Variants in SNTG1 observed in about 807,000 individuals in gnomAD.
SNTG1 encodes syntrophin gamma 1.
Under a neutral mutation model 74.7 loss-of-function variants are expected in SNTG1, and 39 were observed. That is an observed-to-expected ratio of 0.52 (90% CI 0.40 to 0.68). The LOEUF (loss-of-function observed/expected upper bound fraction) is 0.68, where lower values mean the gene tolerates loss of function less well. SNTG1 is among the 30% of genes least tolerant of loss of function. SNTG1 has a pLI of 0.00. For missense variants in SNTG1, 685 were observed against 609.5 expected, an observed-to-expected ratio of 1.12 and a Z score of -1.30; for synonymous variants, 254 against 217.1, an observed-to-expected ratio of 1.17 and a Z score of -1.49.
At chr8:50,405,570 T>C (rs1235662319) in intron 4 of SNTG1, among the ~76,000 whole-genome samples, 1 of 152,096 alleles carries the variant, frequency 6.6e-6, no homozygotes, top group Admixed American at 6.6e-5. Context: ...GATATGTGAT[T>C]TGCAATATTT....
At chr8:50,494,714 TA>T (rs1417933824) in intron 8 of SNTG1, among the ~76,000 whole-genome samples, 2 of 152,132 alleles carry the variant, frequency 1.3e-5, no homozygotes, top group African/African-American at 4.8e-5. Flanking sequence ...TAATGTATTT[TA>T]CTTCAATTAG....
At chr8:50,217,276 G>A (rs1197015514) in intron 2 of SNTG1, among the ~76,000 whole-genome samples, 1 of 152,022 alleles carries the variant, frequency 6.6e-6, no homozygotes, top group Non-Finnish European at 1.5e-5. Context: ...TAGGAAAAGT[G>A]TAATAAAACC....
intron 4 of SNTG1, among the ~76,000 whole-genome samples, chr8:50,402,974 GGCAGCA>G (rs1349140883): frequency 6.6e-6 from 1 of 152,158 alleles, no homozygotes; most frequent in Non-Finnish European, 1.5e-5. Context: ...CTCATGTCGA[GGCAGCA>G]TAGCTATGGA....
intron 2 of SNTG1, among the ~76,000 whole-genome samples, chr8:50,198,710 G>A (rs887867584): frequency 5.9e-5 from 9 of 152,136 alleles, no homozygotes; most frequent in Non-Finnish European, 1.5e-5. Flanking sequence ...TCAGAAGCTA[G>A]CAAGTACAGC....
intron 1 of SNTG1, among the ~76,000 whole-genome samples, chr8:49,984,802 TA>T (rs1276938228): frequency 6.6e-6 from 1 of 152,126 alleles, no homozygotes; most frequent in Non-Finnish European, 1.5e-5. Flanking sequence ...CTGATTTCAT[TA>T]AAAGGTTGCC....
intron 15 of SNTG1, among the ~76,000 whole-genome samples, chr8:50,671,346 A>T (rs938258174): frequency 6.0e-4 from 91 of 151,824 alleles, no homozygotes; most frequent in Non-Finnish European, 1.1e-3. Flanking sequence ...CAAATTTACA[A>T]GAAAAAAACA....
At chr8:50,094,867 T>C (rs2079869602) in intron 1 of SNTG1, among the ~76,000 whole-genome samples, 2 of 152,186 alleles carry the variant, frequency 1.3e-5, no homozygotes, top group Admixed American at 1.3e-4. Flanking sequence ...CCTATGTTCA[T>C]TGCAGCACTA....
intron 12 of SNTG1, among the ~76,000 whole-genome samples, chr8:50,572,909 G>A (rs1243113460): frequency 2.6e-5 from 4 of 152,028 alleles, no homozygotes; most frequent in African/African-American, 9.7e-5. Context: ...AATGGTTCTA[G>A]CTTTTTGGTT....
At chr8:50,167,268 A>G (rs1247332251) in intron 1 of SNTG1, among the ~76,000 whole-genome samples, 1 of 149,096 alleles carries the variant, frequency 6.7e-6, no homozygotes, top group Non-Finnish European at 1.5e-5. Context: ...AACTTAAAGT[A>G]TAATAATAAT....
intron 2 of SNTG1, among the ~76,000 whole-genome samples, chr8:50,307,075 A>G (rs912326542): frequency 1.3e-5 from 2 of 151,998 alleles, no homozygotes; most frequent in Non-Finnish European, 2.9e-5. Context: ...TCATTTATAT[A>G]TGGTGTTTCT....
chr8:50,210,449 A>G (rs1000856755), intron 2 of SNTG1, among the ~76,000 whole-genome samples: 3 of 152,200 alleles, frequency 2.0e-5, no homozygotes, highest in African/African-American at 7.2e-5. Flanking sequence ...AGTTGAAATG[A>G]CGGAAAAAAT....
At chr8:50,624,522 A>G (rs2094944346) in intron 13 of SNTG1, among the ~76,000 whole-genome samples, 1 of 152,084 alleles carries the variant, frequency 6.6e-6, no homozygotes, top group African/African-American at 2.4e-5. Context: ...AATTCTCGAG[A>G]GAATGAAGCC....
At chr8:50,191,779 C>T (rs2083588305) in intron 2 of SNTG1, among the ~76,000 whole-genome samples, 1 of 151,964 alleles carries the variant, frequency 6.6e-6, no homozygotes, top group African/African-American at 2.4e-5. Flanking sequence ...TCCCTGTATC[C>T]ATGCAAGGAA....
chr8:50,778,473 A>G (rs1330892815), intron 18 of SNTG1, among the ~76,000 whole-genome samples: 1 of 151,508 alleles, frequency 6.6e-6, no homozygotes, highest in African/African-American at 2.4e-5. Context: ...GCATTTTTTC[A>G]TGTGTTTTTT....
intron 1 of SNTG1, among the ~76,000 whole-genome samples, chr8:49,918,893 A>G (rs1235333001): frequency 6.6e-6 from 1 of 152,180 alleles, no homozygotes; most frequent in Non-Finnish European, 1.5e-5. Context: ...TAATCCAAAT[A>G]AGCAACTAAA....
intron 15 of SNTG1, among the ~76,000 whole-genome samples, chr8:50,674,934 T>C (rs1486326983): frequency 6.6e-6 from 1 of 152,078 alleles, no homozygotes; most frequent in African/African-American, 2.4e-5. Flanking sequence ...CCAGGAGTCA[T>C]TAAGTAGCAG....
At chr8:50,645,980 A>G (rs1463853546) in intron 13 of SNTG1, among the ~76,000 whole-genome samples, 3 of 152,142 alleles carry the variant, frequency 2.0e-5, no homozygotes, top group Non-Finnish European at 4.4e-5. Context: ...TGCCTTGGTA[A>G]CATTGCAGCA....
Position 50,777,527 on chromosome 8 carries a change from T to A in SNTG1, c.1396-15144T>A, listed in dbSNP as rs982382749. On this transcript the variant is annotated intron_variant, in intron 18 of 18. Coordinates refer to ENST00000642720, the MANE Select transcript of SNTG1 (RefSeq NM_018967.5). ...TTTTCTGAGACTTTCTACACTTTCA[T>A]TTGTTCTAAGCATGGTGATAATTGC... Among the ~76,000 whole-genome samples the A allele has an allele frequency of 2.0e-5, 3 of 151,478 alleles. No homozygotes were observed. In the South Asian group the frequency reaches 6.2e-4, roughly 31 times the overall value.
chr8:49,970,987 G>T (rs890634215), intron 1 of SNTG1, among the ~76,000 whole-genome samples: 11 of 152,040 alleles, frequency 7.2e-5, no homozygotes, highest in Non-Finnish European at 1.5e-4. Flanking sequence ...CCAATCAATA[G>T]AAAAAGAGGG....
Sources: allele counts gnomAD v4.1 joint callset (sites outside exome capture counted in the v4.1 genomes callset), GRCh38; gene constraint gnomAD v4.1.1; transcripts MANE v1.5; gene names NCBI Gene and HGNC (gene_info 2026-07-23, HGNC 2026-07-21).